Variants in KCNJ6 observed in about 807,000 individuals in gnomAD.
The protein encoded by KCNJ6 is potassium inwardly rectifying channel subfamily J member 6, also known as G protein-activated inward rectifier potassium channel 2.
In KCNJ6, 9 loss-of-function variants were observed where a neutral mutation model predicts 34.2. The ratio of observed to expected loss-of-function variants is 0.26; its 90% CI spans 0.16 to 0.46. The LOEUF is 0.46. KCNJ6 is among the 20% of genes least tolerant of loss of function. KCNJ6 has a pLI of 1.00. For missense variants in KCNJ6, 236 were observed against 531.3 expected (o/e 0.44, Z 5.46); for synonymous variants, 196 against 207.1 (o/e 0.95, Z 0.46).
intron 2 of KCNJ6, among the ~76,000 whole-genome samples, chr21:37,743,689 G>T (rs187940017): frequency 1.3e-5 from 2 of 151,956 alleles, no homozygotes; most frequent in Non-Finnish European, 2.9e-5. Flanking sequence ...TAGACTTGCA[G>T]CCTCCAGAAT....
intron 2 of KCNJ6, among the ~76,000 whole-genome samples, chr21:37,749,346 G>A (rs570243666): frequency 5.3e-5 from 8 of 152,254 alleles, no homozygotes; most frequent in South Asian, 2.1e-4. Flanking sequence ...AATAAAGTAC[G>A]CGTGGGCAAG....
At chr21:37,840,545 G>C in intron 2 of KCNJ6, 113 bp downstream of exon 2, 1 of 700,092 alleles carries the variant, frequency 1.4e-6, no homozygotes, top group South Asian at 1.8e-5. Context: ...TCTCGGTCCC[G>C]TAAGAGCAAA....
At position 37,786,874 on chromosome 21, in the gene KCNJ6, C is replaced by T. The variant is rs147109985; in HGVS notation, c.25+53784G>A. ...GGCAGAAAATAGGGACTCAGTAAAC[C>T]ATGGCTTCAAGTTTTAGCTATGATT... On this transcript the variant is annotated intron_variant, in intron 2 of 3. Coordinates refer to ENST00000609713, the MANE Select transcript of KCNJ6 (RefSeq NM_002240.5). Among the ~76,000 whole-genome samples the T allele has an allele frequency of 2.7e-3, 412 of 152,284 alleles. 3 individuals are homozygous for T. The highest frequency in any genetic ancestry group is 0.01 in the Middle Eastern group (3 of 294).
At chr21:37,868,904 A>G (rs1568878732) in intron 1 of KCNJ6, among the ~76,000 whole-genome samples, 1 of 152,262 alleles carries the variant, frequency 6.6e-6, no homozygotes, top group African/African-American at 2.4e-5. Flanking sequence ...TGTGGATGAC[A>G]GTTTTACAAC....
At chr21:37,836,042 C>A (rs12106373) in intron 2 of KCNJ6, among the ~76,000 whole-genome samples, 32,197 of 151,940 alleles carry the variant, frequency 0.21, 5,801 homozygotes, top group African/African-American at 0.47. Flanking sequence ...AAAATTTACA[C>A]GAAAAAAACA....
intron 3 of KCNJ6, among the ~76,000 whole-genome samples, chr21:37,666,808 A>G (rs2054515605): frequency 6.6e-6 from 1 of 151,926 alleles, no homozygotes; most frequent in Non-Finnish European, 1.5e-5. Context: ...CTGTACTAAG[A>G]AAAATTCTTC....
At chr21:37,914,008 G>GGCGT (rs760597650) in intron 1 of KCNJ6, among the ~76,000 whole-genome samples, 87 of 135,478 alleles carry the variant, frequency 6.4e-4, no homozygotes, top group Non-Finnish European at 1.0e-3. Flanking sequence ...GGCGGATCGG[G>GGCGT]GTGTGTGTGT....
intron 2 of KCNJ6, among the ~76,000 whole-genome samples, chr21:37,805,819 C>G (rs1007985313): frequency 1.3e-5 from 2 of 152,090 alleles, no homozygotes; most frequent in African/African-American, 4.8e-5. Flanking sequence ...TGCAGTGATG[C>G]GTCTGCAAGC....
chr21:37,758,900 G>A (rs914623598), intron 2 of KCNJ6, among the ~76,000 whole-genome samples: 9 of 152,226 alleles, frequency 5.9e-5, no homozygotes, highest in East Asian at 1.9e-4. Flanking sequence ...CAAAGTGCTG[G>A]GATTACAGGT....
In KCNJ6 at chr21:37,719,767, GAAAT is replaced by G. The variant is rs575419795; in HGVS notation, c.26-4640_26-4637del. 2.4e-3 allele frequency among the ~76,000 whole-genome samples: 360 copies of G among 152,288 alleles called. 2 individuals are homozygous for G. Among genetic ancestry groups the G allele is most frequent in the African/African-American group, 8.4e-3 (350 of 41,546 alleles). On this transcript the variant is annotated intron_variant, in intron 2 of 3. Transcript: ENST00000609713. ...CCTCATGTTGAAATTTAATCTGAAA[GAAAT>G]AATAATAAATGACAGAGCCACAGCT...
chr21:37,724,403 C>A lies in KCNJ6; in HGVS notation c.26-9272G>T, dbSNP rs376686370. On this transcript the variant is annotated intron_variant, in intron 2 of 3. Transcript: ENST00000609713. ...TCATGGGTAACACAGGAAGCGTCTG[C>A]AGTCTGGCTTTGAGTCACTGGGCAG... Among the ~76,000 whole-genome samples, 6 of 152,292 alleles carry A rather than the reference C, an allele frequency of 3.9e-5. 1 individual carries two copies. Among genetic ancestry groups the A allele is most frequent in the East Asian group, 1.9e-4 (1 of 5,192 alleles).
At chr21:37,699,116 C>T (rs541484471) in intron 3 of KCNJ6, among the ~76,000 whole-genome samples, 3 of 152,290 alleles carry the variant, frequency 2.0e-5, no homozygotes, top group South Asian at 2.1e-4. Context: ...GCTGTTGTGA[C>T]GGAGACTATC....
At chr21:37,799,137 C>T (rs541997674) in intron 2 of KCNJ6, among the ~76,000 whole-genome samples, 2 of 152,330 alleles carry the variant, frequency 1.3e-5, no homozygotes, top group African/African-American at 4.8e-5. Flanking sequence ...GCATTCTCTT[C>T]ATGTAACTCC....
At chr21:37,774,876 G>A (rs1023198338) in intron 2 of KCNJ6, among the ~76,000 whole-genome samples, 8 of 152,162 alleles carry the variant, frequency 5.3e-5, no homozygotes, top group African/African-American at 1.9e-4. Flanking sequence ...GTAATGGGAC[G>A]GCTGGGTCAA....
At chr21:37,888,008 GCT>G (rs1416623042) in intron 1 of KCNJ6, among the ~76,000 whole-genome samples, 1 of 152,220 alleles carries the variant, frequency 6.6e-6, no homozygotes, top group African/African-American at 2.4e-5. Flanking sequence ...TGCTGCCATA[GCT>G]GGAGCTGTGT....
intron 1 of KCNJ6, among the ~76,000 whole-genome samples, chr21:37,878,938 C>A (rs2055692890): frequency 6.6e-6 from 1 of 152,132 alleles, no homozygotes; most frequent in Non-Finnish European, 1.5e-5. Flanking sequence ...TGTGCGTATG[C>A]CTGAATCCAG....
chr21:37,913,959 G>A (rs2055879664), intron 1 of KCNJ6, among the ~76,000 whole-genome samples: 1 of 151,826 alleles, frequency 6.6e-6, no homozygotes, highest in African/African-American at 2.4e-5. Context: ...GCTTTTGAAA[G>A]CCAAAGGGAC....
rs977967811 is a variant in KCNJ6, at chr21:37,613,396, A to C, written c.*11763T>G. The C allele has an allele frequency of 1.0e-4, 16 of 152,694 alleles. No individual in the cohort carries two copies. Among genetic ancestry groups the C allele is most frequent in the African/African-American group, 3.6e-4 (15 of 41,464 alleles). The allele number at this position is 152,694 out of a possible 1,614,324, so 9.5% of individuals were successfully genotyped here. A position where few individuals can be genotyped will look rare whatever the true frequency, so the allele number is the denominator to read the frequency against. On this transcript the variant is annotated 3_prime_UTR_variant, in exon 4 of 4. Transcript: ENST00000609713. Reference sequence around the variant, plus strand: ...AGTTTGGCTGTGTCTTGCAAGACTAAATATAGCTTTAACATATCATATTTA... The same window carrying C: ...AGTTTGGCTGTGTCTTGCAAGACTACATATAGCTTTAACATATCATATTTA...
chr21:37,628,766 GA>G (rs1431397902), intron 3 of KCNJ6, among the ~76,000 whole-genome samples: 14 of 152,206 alleles, frequency 9.2e-5, no homozygotes, highest in Non-Finnish European at 2.9e-5. Context: ...ACATGACGAT[GA>G]AGGTAGAATC....
Sources: allele counts gnomAD v4.1 joint callset (sites outside exome capture counted in the v4.1 genomes callset), GRCh38; gene constraint gnomAD v4.1.1; transcripts MANE v1.5; gene names NCBI Gene and HGNC (gene_info 2026-07-23, HGNC 2026-07-21).